Variants in OR6C1 observed in about 807,000 individuals in gnomAD.
The protein encoded by OR6C1 is olfactory receptor family 6 subfamily C member 1.
For synonymous variants in OR6C1, 157 were observed against 133.3 expected (o/e 1.18, Z -1.22); for missense variants, 386 against 366.1 (o/e 1.05, Z -0.44).
intron 1 of OR6C1, among the ~76,000 whole-genome samples, chr12:55,316,127 A>C (rs1432193006): frequency 7.4e-6 from 1 of 135,148 alleles, no homozygotes; most frequent in Non-Finnish European, 1.5e-5. Context: ...ACACACACAC[A>C]CACCCCCCGA....
Position 55,322,022 on chromosome 12 carries a change from C to G in OR6C1, c.*484C>G, listed in dbSNP as rs917581613. 8.6e-5 allele frequency: 13 copies of G among 151,974 alleles called. No individual in the cohort carries two copies. The highest frequency in any genetic ancestry group is 3.1e-4 in the African/African-American group (13 of 41,400). The allele number at this position is 151,974 out of a possible 1,614,324, so 9.4% of individuals were successfully genotyped here. ...TCATTTGAAAAGCAAAAAAAAATTT[C>G]ATTACTCATTTTAATTAGGTATGTT... On this transcript the variant is annotated 3_prime_UTR_variant, in exon 2 of 2. Coordinates refer to ENST00000642104, the MANE Select transcript of OR6C1 (RefSeq NM_001005182.2).
intron 1 of OR6C1, among the ~76,000 whole-genome samples, chr12:55,317,751 G>A (rs996996742): frequency 5.9e-5 from 9 of 151,796 alleles, no homozygotes; most frequent in African/African-American, 2.2e-4. Context: ...GGAGTTAACA[G>A]GAGATTTCAG....
At chr12:55,315,075 A>G (rs948857353) in intron 1 of OR6C1, among the ~76,000 whole-genome samples, 1 of 151,702 alleles carries the variant, frequency 6.6e-6, no homozygotes, top group African/African-American at 2.4e-5. Flanking sequence ...TTTCCAATAA[A>G]GGAAAAATAA....
At position 55,320,792 on chromosome 12, in the gene OR6C1, T is replaced by C; in HGVS notation, c.193T>C (p.Ser65Pro). 6.2e-7 allele frequency: 1 copy of C among 1,614,060 alleles called. No homozygotes were observed. Among genetic ancestry groups the C allele is most frequent in the Non-Finnish European group, 8.5e-7 (1 of 1,179,992 alleles). The change falls in exon 2 of 2, where the codon TCC becomes CCC. Residue 65 changes from serine (S) to proline (P), a missense_variant. Physicochemically the swap from Ser to Pro is moderately conservative, Grantham distance 74 (BLOSUM62 -1). Coordinates refer to ENST00000642104, the MANE Select transcript of OR6C1 (RefSeq NM_001005182.2). ...CATGTATTTCTTCCTCAGAAATTTC[T>C]CCATATTAGAAATTTCGTTCACAAC... ...TPMYFFLRNF[S>P]ILEISFTTVS...
In OR6C1 at chr12:55,321,290, C is replaced by T; in HGVS notation, c.691C>T (p.Gln231Ter). 3.7e-6 allele frequency: 6 copies of T among 1,613,258 alleles called. No individual in the cohort carries two copies. The highest frequency in any genetic ancestry group is 5.1e-6 in the Non-Finnish European group (6 of 1,179,258). ...AATTTTGAGAATTCCTTCTACTAGT[C>T]AGAGGACAAAGGCCTTTTCCACATG... is the stretch of plus-strand genomic sequence containing the variant. ...RTILRIPSTS[Q>*]RTKAFSTCSS... The change falls in exon 2 of 2, where the codon CAG becomes TAG. Residue 231 changes from glutamine (Q) to a stop codon, truncating the protein, a stop_gained. Coordinates refer to ENST00000642104, the MANE Select transcript of OR6C1 (RefSeq NM_001005182.2). LOFTEE classifies it low-confidence loss of function (END_TRUNC).
intron 1 of OR6C1, among the ~76,000 whole-genome samples, chr12:55,318,179 T>C (rs371792481): frequency 6.6e-6 from 1 of 151,058 alleles, no homozygotes; most frequent in African/African-American, 2.4e-5. Context: ...GTTGACAAGC[T>C]ATGAACATCA....
At chr12:55,317,139 T>C (rs998996634) in intron 1 of OR6C1, among the ~76,000 whole-genome samples, 1 of 151,972 alleles carries the variant, frequency 6.6e-6, no homozygotes, top group African/African-American at 2.4e-5. Context: ...GAGTCTCTCA[T>C]GTCAGTAAAT....
At chr12:55,318,477 T>G (rs1868453208) in intron 1 of OR6C1, among the ~76,000 whole-genome samples, 1 of 151,836 alleles carries the variant, frequency 6.6e-6, no homozygotes, top group South Asian at 2.1e-4. Context: ...AGTCATAAAC[T>G]TTTGGACAGG....
chr12:55,318,221 A>AGTGTGTGT (rs71070867), intron 1 of OR6C1, among the ~76,000 whole-genome samples: 17 of 128,656 alleles, frequency 1.3e-4, no homozygotes, highest in Middle Eastern at 7.6e-3. Flanking sequence ...AGATAAGTGG[A>AGTGTGTGT]GTGTGTGTGT....
At chr12:55,319,196 T>G (rs1868473420) in intron 1 of OR6C1, among the ~76,000 whole-genome samples, 1 of 152,176 alleles carries the variant, frequency 6.6e-6, no homozygotes, top group African/African-American at 2.4e-5. Context: ...AGTTTTGGGC[T>G]CTTCCAGCTT....
intron 1 of OR6C1, among the ~76,000 whole-genome samples, chr12:55,316,512 A>G (rs1868413355): frequency 6.6e-6 from 1 of 151,888 alleles, no homozygotes; most frequent in Non-Finnish European, 1.5e-5. Flanking sequence ...TTCTTCCAGG[A>G]GAAAATATGG....
rs1416525395 is a variant in OR6C1 at position 55,320,824 on chromosome 12, T to G, written c.225T>G (p.Ser75Arg). 6.2e-7 allele frequency: 1 copy of G among 1,612,972 alleles called. No individual in the cohort carries two copies. Among genetic ancestry groups the G allele is most frequent in the Non-Finnish European group, 8.5e-7 (1 of 1,179,132 alleles). The change falls in exon 2 of 2, where the codon AGT becomes AGG. Residue 75 changes from serine to arginine, a missense_variant. By Grantham distance (110) the Ser-to-Arg change is moderately radical (BLOSUM62 -1). Transcript: ENST00000642104. ...SILEISFTTV[S>R]IPKFLGNIIS... ...TAGAAATTTCGTTCACAACCGTCAG[T>G]ATACCCAAGTTTCTGGGTAACATTA...
rs377690047 is a variant in OR6C1, at chr12:55,320,637, T to G, written c.38T>G (p.Leu13Arg). Residue 13 changes from leucine to arginine, a missense_variant, in exon 2 of 2, where the codon CTG becomes CGG. Coordinates refer to ENST00000642104, the MANE Select transcript of OR6C1 (RefSeq NM_001005182.2). ...NHTEITEFILLGLTDDPNFQV... is the reference protein window; with the variant it reads ...NHTEITEFILRGLTDDPNFQV... Reference sequence around the variant, plus strand: ...ACAGAAATAACAGAGTTTATTCTTCTGGGATTAACAGATGACCCAAATTTT... The same window carrying G: ...ACAGAAATAACAGAGTTTATTCTTCGGGGATTAACAGATGACCCAAATTTT... 2 of 1,611,418 alleles carry G rather than the reference T, an allele frequency of 1.2e-6. No homozygotes were observed. Among genetic ancestry groups the G allele is most frequent in the Middle Eastern group, 1.7e-4 (1 of 6,046 alleles).
In OR6C1 at chr12:55,320,757, T is replaced by G; in HGVS notation, c.158T>G (p.Leu53Arg). 1.2e-6 allele frequency: 2 copies of G among 1,614,122 alleles called. No homozygotes were observed. The highest frequency in any genetic ancestry group is 1.7e-6 in the Non-Finnish European group (2 of 1,179,974). ...LITITLLDSH[L>R]QTPMYFFLRN... is the part of the protein sequence containing the mutation. ...ACAATTACCCTGCTGGATTCCCACCTGCAGACCCCCATGTATTTCTTCCTC... is the reference window on the plus strand; with the variant it reads ...ACAATTACCCTGCTGGATTCCCACCGGCAGACCCCCATGTATTTCTTCCTC... The change falls in exon 2 of 2, where the codon CTG (leucine) becomes CGG (arginine). Residue 53 changes from leucine (L) to arginine (R), a missense_variant. Physicochemically the swap from Leu to Arg is moderately radical, Grantham distance 102 (BLOSUM62 -2). Transcript: ENST00000642104.
At chr12:55,319,143 T>C (rs1025819351) in intron 1 of OR6C1, among the ~76,000 whole-genome samples, 4 of 147,466 alleles carry the variant, frequency 2.7e-5, no homozygotes, top group African/African-American at 7.3e-5. Context: ...GGCTGAAATA[T>C]CATGAAATAT....
chr12:55,320,479 A>G (rs1868511588), intron 1 of OR6C1, 88 bp from the exon 2 acceptor site: 3 of 630,912 alleles, frequency 4.8e-6, no homozygotes, highest in Non-Finnish European at 8.3e-6. Flanking sequence ...TAGAAATGGC[A>G]TACTATGTCA....
At position 55,320,586 on chromosome 12, in the gene OR6C1, A is replaced by G; in HGVS notation, c.-14A>G. On this transcript the variant is annotated 5_prime_UTR_variant, in exon 2 of 2. Transcript: ENST00000642104. ...TTGTAGGTCTGGCAGGGGAAAAAAG[A>G]AAGCAACTGAAGAATGAGAAACCAT... The G allele has an allele frequency of 6.7e-7, 1 of 1,484,696 alleles. No homozygotes were observed. The highest frequency in any genetic ancestry group is 9.2e-7 in the Non-Finnish European group (1 of 1,082,332). 92.0% of individuals were successfully genotyped at this position (1,484,696 alleles called of 1,614,324 possible). A position where few individuals can be genotyped will look rare whatever the true frequency, so the allele number is the denominator to read the frequency against.
At chr12:55,319,637 A>G (rs1158811891) in intron 1 of OR6C1, among the ~76,000 whole-genome samples, 3 of 152,234 alleles carry the variant, frequency 2.0e-5, no homozygotes, top group African/African-American at 7.2e-5. Flanking sequence ...AGGTGATTTC[A>G]GCAGCTATTA....
At chr12:55,316,861 AT>A (rs200691400) in intron 1 of OR6C1, among the ~76,000 whole-genome samples, 2 of 151,536 alleles carry the variant, frequency 1.3e-5, no homozygotes, top group East Asian at 1.9e-4. Flanking sequence ...GGAAGTGTCT[AT>A]TTTTTTTGTG....
Sources: gnomAD v4.1 joint callset for allele counts (sites outside exome capture counted in the v4.1 genomes callset) on GRCh38, gnomAD v4.1.1 for gene constraint, MANE v1.5 for transcripts, NCBI Gene and HGNC (gene_info 2026-07-23, HGNC 2026-07-21) for gene names.